The following CDH18 variants were observed in gnomAD, a reference collection of about 807,000 sequenced individuals.
CDH18 encodes cadherin-18.
Under a neutral mutation model 67.9 loss-of-function variants are expected in CDH18, and 31 were observed. That is an observed-to-expected ratio of 0.46 (90% CI 0.34 to 0.62). The LOEUF (loss-of-function observed/expected upper bound fraction) is 0.62. CDH18 is among the 20% of genes least tolerant of loss of function. CDH18 has a pLI of 0.01. For synonymous variants in CDH18, 362 were observed against 347.2 expected (o/e 1.04, Z -0.48); for missense variants, 890 against 975.5 (o/e 0.91, Z 1.17).
intron 5 of CDH18, among the ~76,000 whole-genome samples, chr5:19,618,287 C>A (rs1450627408): frequency 6.6e-6 from 1 of 151,888 alleles, no homozygotes; most frequent in African/African-American, 2.4e-5. Flanking sequence ...CTCACTGCAA[C>A]CTCTGCCTCT....
intron 5 of CDH18, among the ~76,000 whole-genome samples, chr5:19,628,250 G>A (rs1399714187): frequency 1.3e-5 from 2 of 152,114 alleles, no homozygotes; most frequent in Non-Finnish European, 2.9e-5. Flanking sequence ...CACCATGATT[G>A]TGGGGGCTCC....
At chr5:19,687,796 TCA>T (rs1175383317) in intron 5 of CDH18, among the ~76,000 whole-genome samples, 2 of 152,120 alleles carry the variant, frequency 1.3e-5, no homozygotes, top group African/African-American at 4.8e-5. Context: ...AGAAGCAAGG[TCA>T]CAACACATTC....
At chr5:20,522,574 C>A in intron 1 of CDH18, among the ~76,000 whole-genome samples, 1 of 152,178 alleles carries the variant, frequency 6.6e-6, no homozygotes, top group Middle Eastern at 3.4e-3. Flanking sequence ...TATGGAATTT[C>A]TTTTCAGTTG....
intron 2 of CDH18, among the ~76,000 whole-genome samples, chr5:20,241,781 G>A (rs1742917397): frequency 6.6e-6 from 1 of 151,184 alleles, no homozygotes; most frequent in African/African-American, 2.4e-5. Context: ...GAACCCGGAA[G>A]GCGGGGCTTG....
chr5:19,634,444 G>A (rs1049411313), intron 5 of CDH18, among the ~76,000 whole-genome samples: 1 of 152,066 alleles, frequency 6.6e-6, no homozygotes, highest in African/African-American at 2.4e-5. Context: ...AAAAATGTGG[G>A]TCATGAGTTC....
chr5:19,807,872 A>G (rs1778195698), intron 3 of CDH18, among the ~76,000 whole-genome samples: 1 of 152,050 alleles, frequency 6.6e-6, no homozygotes, highest in South Asian at 2.1e-4. Context: ...TATTTGTGTG[A>G]ATGTCAATTT....
intron 11 of CDH18, among the ~76,000 whole-genome samples, chr5:19,499,632 G>A (rs1742908093): frequency 6.6e-6 from 1 of 151,678 alleles, no homozygotes; most frequent in East Asian, 1.9e-4. Flanking sequence ...TTGTAAATAT[G>A]TTATTAATTT....
intron 1 of CDH18, among the ~76,000 whole-genome samples, chr5:20,464,817 T>C (rs1313900621): frequency 6.6e-6 from 1 of 152,056 alleles, no homozygotes; most frequent in African/African-American, 2.4e-5. Flanking sequence ...AATAAAACCC[T>C]GGGAAATAGC....
At chr5:19,673,089 A>G (rs1758975487) in intron 5 of CDH18, among the ~76,000 whole-genome samples, 1 of 152,020 alleles carries the variant, frequency 6.6e-6, no homozygotes, top group Non-Finnish European at 1.5e-5. Context: ...ACATTAGTGA[A>G]TTACTTTTTT....
chr5:19,626,043 C>T (rs1376643126), intron 5 of CDH18, among the ~76,000 whole-genome samples: 3 of 152,152 alleles, frequency 2.0e-5, no homozygotes, highest in Non-Finnish European at 2.9e-5. Context: ...AGCCCTGTAA[C>T]ACCACAGCAT....
intron 2 of CDH18, among the ~76,000 whole-genome samples, chr5:20,203,815 T>G (rs1269864850): frequency 1.3e-5 from 2 of 152,052 alleles, no homozygotes; most frequent in East Asian, 3.9e-4. Flanking sequence ...TATGTGAGTG[T>G]TCTGACCAAT....
intron 2 of CDH18, among the ~76,000 whole-genome samples, chr5:20,033,527 A>C (rs891101198): frequency 6.6e-6 from 1 of 152,112 alleles, no homozygotes; most frequent in African/African-American, 2.4e-5. Flanking sequence ...ACTCAAAAAC[A>C]TAAGATTCTG....
At chr5:19,819,955 T>G (rs1168379173) in intron 3 of CDH18, among the ~76,000 whole-genome samples, 1 of 152,116 alleles carries the variant, frequency 6.6e-6, no homozygotes, top group African/African-American at 2.4e-5. Context: ...GTTTTTCCAG[T>G]GGCCTGAGAG....
intron 2 of CDH18, among the ~76,000 whole-genome samples, chr5:19,925,471 T>C (rs1792978985): frequency 6.6e-6 from 1 of 152,064 alleles, no homozygotes; most frequent in South Asian, 2.1e-4. Context: ...ATGGGGATGA[T>C]TAGCATCGCA....
chr5:20,569,386 G>C (rs1044077314), intron 1 of CDH18, among the ~76,000 whole-genome samples: 1 of 152,156 alleles, frequency 6.6e-6, no homozygotes, highest in Non-Finnish European at 1.5e-5. Flanking sequence ...ACTTTGGAAG[G>C]CCACGGCGGG....
chr5:20,390,642 T>C (rs1209562475), intron 1 of CDH18, among the ~76,000 whole-genome samples: 1 of 152,190 alleles, frequency 6.6e-6, no homozygotes, highest in Non-Finnish European at 1.5e-5. Flanking sequence ...ACTGGGTATA[T>C]ACCCAAAGGA....
At chr5:20,041,984 T>C (rs929286006) in intron 2 of CDH18, among the ~76,000 whole-genome samples, 12 of 152,210 alleles carry the variant, frequency 7.9e-5, no homozygotes, top group African/African-American at 2.9e-4. Flanking sequence ...GAAATACAAG[T>C]GTAGATACCT....
chr5:19,728,987 A>G (rs1185507536), intron 4 of CDH18, among the ~76,000 whole-genome samples: 2 of 152,162 alleles, frequency 1.3e-5, no homozygotes, highest in Admixed American at 1.3e-4. Flanking sequence ...TTTGAGTATT[A>G]ACTCAAGTCA....
At chr5:19,579,023 T>C (rs894585749) in intron 7 of CDH18, among the ~76,000 whole-genome samples, 16 of 152,024 alleles carry the variant, frequency 1.1e-4, no homozygotes, top group African/African-American at 3.9e-4. Context: ...CTAAATATTC[T>C]ATAGGCGCTT....
Sources: allele counts gnomAD v4.1 joint callset (sites outside exome capture counted in the v4.1 genomes callset), GRCh38; gene constraint gnomAD v4.1.1; transcripts MANE v1.5; gene names NCBI Gene and HGNC (gene_info 2026-07-23, HGNC 2026-07-21).